The following KBTBD12 variants were observed in gnomAD, a reference collection of about 807,000 sequenced individuals.
KBTBD12 encodes kelch repeat and BTB domain containing 12, also known as kelch repeat and BTB domain-containing protein 12.
A neutral mutation model predicts 58.7 loss-of-function variants in KBTBD12; 53 were observed. That is an observed-to-expected ratio of 0.90 (90% CI 0.72 to 1.14). The LOEUF (loss-of-function observed/expected upper bound fraction) is 1.14, where lower values mean the gene tolerates loss of function less well. Ranked by LOEUF, KBTBD12 falls within the 50% of genes most tolerant of loss-of-function variation. The pLI is 0.00. For missense variants in KBTBD12, 704 were observed against 751.3 expected (o/e 0.94, Z 0.74); for synonymous variants, 236 against 259.8 (o/e 0.91, Z 0.88).
In KBTBD12 at chr3:127,924,056, A is replaced by C. The variant is rs777384534; in HGVS notation, c.995A>C (p.Asn332Thr). 1.1e-5 allele frequency: 18 copies of C among 1,613,678 alleles called. No individual in the cohort carries two copies. In the South Asian group the frequency reaches 2.0e-4, roughly 18 times the overall value. Residue 332 changes from asparagine (N) to threonine (T), a missense_variant, in exon 2 of 6, where the codon AAT becomes ACT. Physicochemically the swap from Asn to Thr is moderately conservative, Grantham distance 65. Transcript: ENST00000405109. Reference protein sequence around the residue: ...TVCTGVVMENNTIIVAGEASA... With the variant: ...TVCTGVVMENTTIIVAGEASA... ...TGTACTGGTGTTGTCATGGAAAATAATACTATAATTGTGGCTGGAGAAGCA... is the reference window on the plus strand; with the variant it reads ...TGTACTGGTGTTGTCATGGAAAATACTACTATAATTGTGGCTGGAGAAGCA...
chr3:127,949,425 G>A (rs1272537755), intron 4 of KBTBD12, among the ~76,000 whole-genome samples: 2 of 152,230 alleles, frequency 1.3e-5, no homozygotes, highest in Non-Finnish European at 2.9e-5. Context: ...CTCTAAATGA[G>A]GGAGAGCCAT....
Position 127,987,436 on chromosome 3 carries a change from C to A in KBTBD12, c.*3158C>A, listed in dbSNP as rs1221245581. 1 of 152,178 alleles carries A rather than the reference C, an allele frequency of 6.6e-6. No individual in the cohort carries two copies. The highest frequency in any genetic ancestry group is 1.5e-5 in the Non-Finnish European group (1 of 68,044). The allele number at this position is 152,178 out of a possible 1,614,324, so 9.4% of individuals were successfully genotyped here. On this transcript the variant is annotated 3_prime_UTR_variant, in exon 6 of 6. Transcript: ENST00000405109. Reference sequence around the variant, plus strand: ...GGCTGTTGCAGTACTGCATGATGGGCTCTTATAAAACTTCTACTATCTGCT... The same window carrying A: ...GGCTGTTGCAGTACTGCATGATGGGATCTTATAAAACTTCTACTATCTGCT...
At chr3:127,930,012 T>G in intron 3 of KBTBD12, 121 bp from the exon 4 acceptor site, 3 of 788,878 alleles carry the variant, frequency 3.8e-6, no homozygotes, top group Admixed American at 2.5e-5. Context: ...TTTGTGAGTA[T>G]GAGTCACTGC....
intron 4 of KBTBD12, among the ~76,000 whole-genome samples, chr3:127,950,751 G>T (rs1278160721): frequency 6.6e-6 from 1 of 152,104 alleles, no homozygotes; most frequent in East Asian, 1.9e-4. Flanking sequence ...GAAAAATGAG[G>T]CCGGGCACGG....
chr3:127,929,972 C>G (rs764668939), intron 3 of KBTBD12, among the ~76,000 whole-genome samples, 161 bp from the exon 4 acceptor site: 1 of 152,058 alleles, frequency 6.6e-6, no homozygotes, highest in Non-Finnish European at 1.5e-5. Context: ...TGACAGTATA[C>G]TTATAACCCC....
chr3:127,928,772 A>G (rs527833869), intron 3 of KBTBD12, among the ~76,000 whole-genome samples: 1 of 152,372 alleles, frequency 6.6e-6, no homozygotes, highest in East Asian at 1.9e-4. Context: ...CTCATGGCAT[A>G]AAGTAAATTT....
intron 4 of KBTBD12, among the ~76,000 whole-genome samples, chr3:127,938,451 C>G (rs1486143544): frequency 6.6e-6 from 1 of 151,750 alleles, no homozygotes; most frequent in Non-Finnish European, 1.5e-5. Flanking sequence ...AAATTTTAAA[C>G]TAACAAATGG....
At chr3:127,979,422 T>A (rs1406552283) in intron 5 of KBTBD12, among the ~76,000 whole-genome samples, 1 of 152,132 alleles carries the variant, frequency 6.6e-6, no homozygotes, top group Non-Finnish European at 1.5e-5. Flanking sequence ...TCCGCAAAAT[T>A]TGCATGGACT....
In KBTBD12 at chr3:127,922,975, T is replaced by C; in HGVS notation, c.-87T>C. 1.3e-6 allele frequency: 1 copy of C among 746,110 alleles called. No individual in the cohort carries two copies. The highest frequency in any genetic ancestry group is 2.2e-6 in the Non-Finnish European group (1 of 449,444). The allele number at this position is 746,110 out of a possible 1,614,324, so 46.2% of individuals were successfully genotyped here. ...AAATGTTTCCTGACATCTTTGTAGC[T>C]TCATGAGTAATCAGACATGCAAATA... On this transcript the variant is annotated 5_prime_UTR_variant, in exon 2 of 6. Transcript: ENST00000405109.
chr3:127,941,896 G>A (rs1240837402), intron 4 of KBTBD12, among the ~76,000 whole-genome samples: 5 of 152,096 alleles, frequency 3.3e-5, no homozygotes, highest in Non-Finnish European at 2.9e-5. Flanking sequence ...CATCATGCCC[G>A]GCCAATATCA....
chr3:127,938,834 A>G (rs1409367949), intron 4 of KBTBD12, among the ~76,000 whole-genome samples: 3 of 152,318 alleles, frequency 2.0e-5, no homozygotes, highest in African/African-American at 7.2e-5. Flanking sequence ...GTTCTCTCCC[A>G]CTGAATACAA....
chr3:127,932,201 C>G (rs1939720136), intron 4 of KBTBD12, among the ~76,000 whole-genome samples: 1 of 152,060 alleles, frequency 6.6e-6, no homozygotes, highest in Admixed American at 6.6e-5. Context: ...TGAGCTTTAC[C>G]ACCCTGTAAG....
In KBTBD12 at chr3:127,930,129, A is replaced by G; in HGVS notation, c.1342-4A>G. The G allele has an allele frequency of 1.3e-6, 2 of 1,575,210 alleles. No homozygotes were observed. Among genetic ancestry groups the G allele is most frequent in the East Asian group, 4.6e-5 (2 of 43,512 alleles). ...TATTATATTGGCTGTCATATTTCAT[A>G]CAGATGGATCTTCCTGATGAAGAAC... On this transcript the variant is annotated splice_polypyrimidine_tract_variant and splice_region_variant and intron_variant, in intron 3 of 5. Coordinates refer to ENST00000405109, the MANE Select transcript of KBTBD12 (RefSeq NM_207335.4).
At chr3:127,965,334 G>A (rs1940541807) in intron 5 of KBTBD12, among the ~76,000 whole-genome samples, 1 of 152,082 alleles carries the variant, frequency 6.6e-6, no homozygotes, top group South Asian at 2.1e-4. Context: ...TCAGCCAAAG[G>A]GACTTACTAT....
intron 4 of KBTBD12, among the ~76,000 whole-genome samples, chr3:127,936,164 A>T (rs941101973): frequency 1.3e-5 from 2 of 152,090 alleles, no homozygotes; most frequent in African/African-American, 4.8e-5. Context: ...TCAGAAGTTC[A>T]ACACCAGAGT....
intron 4 of KBTBD12, among the ~76,000 whole-genome samples, chr3:127,948,007 CA>C (rs1940121504): frequency 6.6e-6 from 1 of 152,142 alleles, no homozygotes; most frequent in African/African-American, 2.4e-5. Context: ...CCTTCCATGA[CA>C]TCTTATAAAG....
intron 2 of KBTBD12, 113 bp from the exon 3 acceptor site, chr3:127,927,651 A>G (rs923265990): frequency 2.6e-6 from 2 of 783,760 alleles, no homozygotes; most frequent in African/African-American, 3.5e-5. Context: ...TTTGTCCTCC[A>G]ATTGGAAGAA....
intron 1 of KBTBD12, among the ~76,000 whole-genome samples, chr3:127,921,984 T>A (rs942658169): frequency 3.9e-5 from 6 of 152,170 alleles, no homozygotes; most frequent in Non-Finnish European, 7.4e-5. Context: ...TCTCACTGCT[T>A]GCAACTTACA....
At chr3:127,918,359 T>C (rs1939307367) in intron 1 of KBTBD12, among the ~76,000 whole-genome samples, 1 of 152,188 alleles carries the variant, frequency 6.6e-6, no homozygotes, top group Admixed American at 6.5e-5. Context: ...AAGACCAGGT[T>C]ATATTTTTTC....
Sources: gnomAD v4.1 joint callset for allele counts (sites outside exome capture counted in the v4.1 genomes callset) on GRCh38, gnomAD v4.1.1 for gene constraint, MANE v1.5 for transcripts, NCBI Gene and HGNC (gene_info 2026-07-23, HGNC 2026-07-21) for gene names.